The following ANO3 variants were observed in gnomAD, a reference collection of about 807,000 sequenced individuals.
ANO3 encodes the protein anoctamin 3.
ANO3 carries 99 observed loss-of-function variants against 144.8 expected under a neutral mutation model. The observed-to-expected ratio is 0.68, with a 90% CI of 0.58 to 0.81. The LOEUF (loss-of-function observed/expected upper bound fraction) is 0.81, where lower values mean the gene tolerates loss of function less well. ANO3 is among the 30% of genes least tolerant of loss of function. The pLI, the probability that ANO3 is intolerant of heterozygous loss-of-function variation, is 0.00. For missense variants in ANO3, 905 were observed against 1,202.2 expected (o/e 0.75, Z 3.66); for synonymous variants, 414 against 392.6 (o/e 1.05, Z -0.64).
intron 1 of ANO3, among the ~76,000 whole-genome samples, chr11:26,337,552 T>C (rs907225385): frequency 6.6e-6 from 1 of 152,218 alleles, no homozygotes; most frequent in Admixed American, 6.5e-5. Context: ...TTGATGATTA[T>C]ATAAACCAAT....
At chr11:26,544,275 C>T (rs78290919) in intron 11 of ANO3, among the ~76,000 whole-genome samples, 18,682 of 42,486 alleles carry the variant, frequency 0.44, 2,897 homozygotes, top group Non-Finnish European at 0.47. Context: ...TATATATATA[C>T]ACACATACAC....
At position 26,473,895 on chromosome 11, in the gene ANO3, TA is replaced by T. The variant is rs553783096; in HGVS notation, c.432+10756del. 1,015 of 944,336 alleles carry T rather than the reference TA, an allele frequency of 1.1e-3. 6 individuals are homozygous for T. The African/African-American group carries it at 0.013, about 12-fold the overall frequency. 58.5% of individuals were successfully genotyped at this position (944,336 alleles called of 1,614,324 possible). A position where few individuals can be genotyped will look rare whatever the true frequency, so the allele number is the denominator to read the frequency against. ...TTCTTATAAAGAGATGAGTTATCTT[TA>T]AAAAAAAATGATTATTCAAACTCTG... On this transcript the variant is annotated intron_variant, in intron 4 of 26. Transcript: ENST00000256737.
chr11:26,533,076 T>C (rs1396665046), intron 8 of ANO3, among the ~76,000 whole-genome samples: 2 of 152,142 alleles, frequency 1.3e-5, no homozygotes, highest in Non-Finnish European at 2.9e-5. Context: ...AGTACAGAGA[T>C]AAGAATACTG....
chr11:26,328,629 G>A (rs1854952156), upstream of ANO3, among the ~76,000 whole-genome samples: 1 of 152,170 alleles, frequency 6.6e-6, no homozygotes, highest in Admixed American at 6.5e-5. Context: ...GCAAATGTTA[G>A]CAGGGGGGCT....
chr11:26,367,925 C>G (rs1044959363), intron 1 of ANO3, among the ~76,000 whole-genome samples: 8 of 152,292 alleles, frequency 5.3e-5, no homozygotes, highest in African/African-American at 1.9e-4. Context: ...ATCATGAGGA[C>G]AGCACCAAGG....
At chr11:26,595,014 G>A (rs974127391) in intron 14 of ANO3, among the ~76,000 whole-genome samples, 21 of 152,122 alleles carry the variant, frequency 1.4e-4, no homozygotes, top group Non-Finnish European at 2.6e-4. Flanking sequence ...ATACATCTTA[G>A]GGGCATTTTT....
chr11:26,529,655 G>T (rs1224084177), intron 7 of ANO3, among the ~76,000 whole-genome samples: 1 of 149,386 alleles, frequency 6.7e-6, no homozygotes, highest in Non-Finnish European at 1.5e-5. Context: ...ACTTACTATT[G>T]CAGAAGAAGC....
At chr11:26,199,184 G>T (rs1052127198) in intron 1 of ANO3, among the ~76,000 whole-genome samples, 4 of 151,800 alleles carry the variant, frequency 2.6e-5, no homozygotes, top group Non-Finnish European at 1.5e-5. Flanking sequence ...CATCATTTAT[G>T]GAAATCTAAC....
intron 14 of ANO3, among the ~76,000 whole-genome samples, chr11:26,584,929 A>G (rs1851234937): frequency 6.6e-6 from 1 of 152,206 alleles, no homozygotes; most frequent in African/African-American, 2.4e-5. Context: ...GCTGTCAGAG[A>G]GGCAGGTGTG....
intron 1 of ANO3, among the ~76,000 whole-genome samples, chr11:26,426,019 G>A (rs954333595): frequency 6.6e-6 from 1 of 152,020 alleles, no homozygotes; most frequent in African/African-American, 2.4e-5. Flanking sequence ...ACTATTACAA[G>A]TTCCAAAGTC....
intron 17 of ANO3, among the ~76,000 whole-genome samples, chr11:26,623,394 A>G: frequency 6.6e-6 from 1 of 152,368 alleles, no homozygotes; most frequent in Admixed American, 6.5e-5. Flanking sequence ...GGTAATATTC[A>G]TATGCACATA....
At chr11:26,451,448 C>G (rs890525292) in intron 3 of ANO3, among the ~76,000 whole-genome samples, 1 of 152,194 alleles carries the variant, frequency 6.6e-6, no homozygotes, top group African/African-American at 2.4e-5. Flanking sequence ...GCACCTGGCT[C>G]GGAGGGTCCT....
At chr11:26,282,287 A>G (rs1853695745) in intron 1 of ANO3, among the ~76,000 whole-genome samples, 1 of 151,144 alleles carries the variant, frequency 6.6e-6, no homozygotes, top group Non-Finnish European at 1.5e-5. Flanking sequence ...CTTTGCATAA[A>G]CAAACAGGTT....
intron 1 of ANO3, among the ~76,000 whole-genome samples, chr11:26,293,550 TA>T (rs1211018886): frequency 7.6e-6 from 1 of 132,232 alleles, no homozygotes; most frequent in African/African-American, 3.0e-5. Flanking sequence ...TATATATATA[TA>T]TATATATATA....
chr11:26,241,633 T>C lies in ANO3; in HGVS notation c.154+52303T>C, dbSNP rs187305219. Among the ~76,000 whole-genome samples, 161 of 152,320 alleles carry C rather than the reference T, an allele frequency of 1.1e-3. 1 individual carries two copies. The Middle Eastern group carries it at 0.014, about 13-fold the overall frequency. On this transcript the variant is annotated intron_variant, in intron 1 of 27. Transcript: ENST00000672621. ...CAGTACAGAATAAAAAGTGTCATTA[T>C]AGTAACAATTAATAGATAGTATTGG... is the stretch of plus-strand genomic sequence containing the variant.
intron 24 of ANO3, among the ~76,000 whole-genome samples, chr11:26,655,886 C>T (rs1853671822): frequency 6.6e-6 from 1 of 151,516 alleles, no homozygotes; most frequent in Non-Finnish European, 1.5e-5. Flanking sequence ...ACTTAATAAA[C>T]ATAAACCAGA....
intron 1 of ANO3, among the ~76,000 whole-genome samples, chr11:26,253,113 T>C (rs777105862): frequency 6.6e-6 from 1 of 152,206 alleles, no homozygotes; most frequent in Admixed American, 6.5e-5. Flanking sequence ...CCTTTCATAC[T>C]GCACTGTATT....
chr11:26,535,440 A>G (rs1187757034), intron 9 of ANO3, among the ~76,000 whole-genome samples: 1 of 152,138 alleles, frequency 6.6e-6, no homozygotes, highest in Non-Finnish European at 1.5e-5. Flanking sequence ...TGAAGGGATC[A>G]AATGTTAGTC....
intron 14 of ANO3, among the ~76,000 whole-genome samples, chr11:26,592,649 T>C (rs1025357226): frequency 1.3e-5 from 2 of 149,968 alleles, no homozygotes; most frequent in African/African-American, 4.9e-5. Flanking sequence ...AGCTTGGTGA[T>C]AAGGCAGGGG....
Sources: gnomAD v4.1 joint callset for allele counts (sites outside exome capture counted in the v4.1 genomes callset) on GRCh38, gnomAD v4.1.1 for gene constraint, MANE v1.5 for transcripts, NCBI Gene and HGNC (gene_info 2026-07-23, HGNC 2026-07-21) for gene names.